The following LRRC7 variants were observed in gnomAD, a reference collection of about 807,000 sequenced individuals.
The protein encoded by LRRC7 is leucine rich repeat containing 7.
Under a neutral mutation model 175.7 loss-of-function variants are expected in LRRC7, and 23 were observed. The observed-to-expected ratio is 0.13, with a 90% CI of 0.09 to 0.19. The LOEUF is 0.19. Among genes scored for constraint, LRRC7 ranks in the 10% least tolerant of loss-of-function variants. The pLI is 1.00. For synonymous variants in LRRC7, 685 were observed against 680.9 expected (o/e 1.01, Z -0.09); for missense variants, 1,354 against 1,904.7 (o/e 0.71, Z 5.38).
At chr1:70,004,218 G>A (rs1370709433) in intron 11 of LRRC7, among the ~76,000 whole-genome samples, 1 of 152,162 alleles carries the variant, frequency 6.6e-6, no homozygotes, top group Admixed American at 6.6e-5. Context: ...TAGGCCGTGA[G>A]ATTTGGTACT....
At chr1:69,603,354 C>T (rs1424659054) in intron 1 of LRRC7, among the ~76,000 whole-genome samples, 1 of 152,104 alleles carries the variant, frequency 6.6e-6, no homozygotes, top group Non-Finnish European at 1.5e-5. Context: ...TTACGTTATC[C>T]TGGTGACATT....
At chr1:69,894,585 C>A (rs1277360066) in intron 7 of LRRC7, among the ~76,000 whole-genome samples, 1 of 152,096 alleles carries the variant, frequency 6.6e-6, no homozygotes, top group East Asian at 1.9e-4. Context: ...GAAAGAAAAG[C>A]AACCTAAATG....
intron 18 of LRRC7, among the ~76,000 whole-genome samples, chr1:70,034,517 CT>C (rs1350027764): frequency 1.3e-5 from 2 of 152,242 alleles, no homozygotes; most frequent in Admixed American, 1.3e-4. Context: ...CAAATATAGC[CT>C]CTTCAACTAC....
intron 2 of LRRC7, among the ~76,000 whole-genome samples, chr1:69,726,631 A>T (rs1667010851): frequency 6.6e-6 from 1 of 152,162 alleles, no homozygotes; most frequent in African/African-American, 2.4e-5. Context: ...TACCATGAAG[A>T]TCGTAACTAA....
chr1:70,097,851 C>T (rs1352869658), intron 25 of LRRC7, among the ~76,000 whole-genome samples: 2 of 148,606 alleles, frequency 1.3e-5, no homozygotes, highest in African/African-American at 2.5e-5. Context: ...TTTCTTAATC[C>T]AGTCTATCAT....
At chr1:69,764,730 C>CAGACAGACAGACAGATAGATAGATAGAT (rs1377304958) in intron 3 of LRRC7, among the ~76,000 whole-genome samples, 1 of 140,300 alleles carries the variant, frequency 7.1e-6, no homozygotes, top group Non-Finnish European at 1.5e-5. Flanking sequence ...GATAGATAGA[C>CAGACAGACAGACAGATAGATAGATAGAT]AGATAGATAG....
At chr1:69,696,142 A>T (rs78162735) in intron 2 of LRRC7, among the ~76,000 whole-genome samples, 34,984 of 152,214 alleles carry the variant, frequency 0.23, 4,570 homozygotes, top group South Asian at 0.33. Flanking sequence ...GGGCACCCAC[A>T]GGAGCTGCAT....
intron 24 of LRRC7, among the ~76,000 whole-genome samples, chr1:70,086,681 G>A (rs1405988419): frequency 1.3e-5 from 2 of 152,052 alleles, no homozygotes; most frequent in African/African-American, 4.8e-5. Flanking sequence ...AGAGGCTGCA[G>A]TGAGCCAAAA....
chr1:70,089,548 T>C (rs779182353), intron 24 of LRRC7, among the ~76,000 whole-genome samples, 179 bp from the exon 25 acceptor site: 19 of 152,344 alleles, frequency 1.2e-4, no homozygotes, highest in Non-Finnish European at 2.8e-4. Context: ...TCATAACTGA[T>C]GCATATAGAA....
intron 1 of LRRC7, among the ~76,000 whole-genome samples, chr1:69,654,102 TC>T (rs1277798790): frequency 2.6e-5 from 4 of 151,536 alleles, no homozygotes; most frequent in Non-Finnish European, 5.9e-5. Flanking sequence ...AGAATTTAGA[TC>T]TCATGTTATT....
At chr1:69,672,641 CT>C (rs1659239618) in intron 1 of LRRC7, among the ~76,000 whole-genome samples, 1 of 152,154 alleles carries the variant, frequency 6.6e-6, no homozygotes, top group African/African-American at 2.4e-5. Context: ...TCCCAACTCC[CT>C]TTTCCTCCAG....
At chr1:69,640,583 A>G (rs985815226) in intron 1 of LRRC7, among the ~76,000 whole-genome samples, 2 of 150,790 alleles carry the variant, frequency 1.3e-5, no homozygotes, top group African/African-American at 2.4e-5. Context: ...AATATAAATA[A>G]ATATTTTGTT....
chr1:69,835,905 CTG>C (rs955637018), intron 6 of LRRC7, among the ~76,000 whole-genome samples: 16 of 152,006 alleles, frequency 1.1e-4, no homozygotes, highest in South Asian at 4.1e-4. Context: ...AAATAAAAGA[CTG>C]TATCTTAGAA....
intron 4 of LRRC7, among the ~76,000 whole-genome samples, chr1:69,813,471 T>A (rs1426088115): frequency 6.6e-6 from 1 of 152,138 alleles, no homozygotes; most frequent in Non-Finnish European, 1.5e-5. Flanking sequence ...TCTCTGGCTT[T>A]AAACCATCCA....
intron 4 of LRRC7, among the ~76,000 whole-genome samples, chr1:69,823,067 A>C (rs1373979356): frequency 6.6e-6 from 1 of 152,186 alleles, no homozygotes; most frequent in Non-Finnish European, 1.5e-5. Context: ...TATTTTTGAG[A>C]AGTCAAATGT....
intron 8 of LRRC7, among the ~76,000 whole-genome samples, chr1:69,943,188 T>A (rs1360402539): frequency 6.6e-6 from 1 of 152,030 alleles, no homozygotes; most frequent in African/African-American, 2.4e-5. Context: ...AGGCAAGAAG[T>A]GGAAACAATA....
intron 11 of LRRC7, among the ~76,000 whole-genome samples, chr1:70,008,022 T>G (rs770130309): frequency 9.2e-5 from 14 of 151,796 alleles, no homozygotes; most frequent in South Asian, 2.1e-4. Flanking sequence ...TAATCAGAGA[T>G]ATATATATAT....
At chr1:69,582,452 G>A (rs763712070) in intron 1 of LRRC7, among the ~76,000 whole-genome samples, 3 of 152,110 alleles carry the variant, frequency 2.0e-5, no homozygotes, top group Non-Finnish European at 4.4e-5. Flanking sequence ...CCTGGTAGAG[G>A]ACAGGAGCAA....
chr1:69,772,131 A>T (rs1269092695), intron 3 of LRRC7, among the ~76,000 whole-genome samples: 1 of 152,118 alleles, frequency 6.6e-6, no homozygotes, highest in Non-Finnish European at 1.5e-5. Context: ...CTAAATAAAT[A>T]AATAAGAAAA....
Sources: allele counts gnomAD v4.1 joint callset (sites outside exome capture counted in the v4.1 genomes callset), GRCh38; gene constraint gnomAD v4.1.1; transcripts MANE v1.5; gene names NCBI Gene and HGNC (gene_info 2026-07-23, HGNC 2026-07-21).